The following FAF1 variants were observed in gnomAD, a reference collection of about 807,000 sequenced individuals.
FAF1 encodes FAS-associated factor 1.
In FAF1, 25 loss-of-function variants were observed where a neutral mutation model predicts 92.5. The observed-to-expected ratio is 0.27, with a 90% CI of 0.20 to 0.38. The LOEUF (loss-of-function observed/expected upper bound fraction) is 0.38. Among genes scored for constraint, FAF1 ranks in the 10% least tolerant of loss-of-function variants. The pLI is 1.00. For missense variants in FAF1, 636 were observed against 793.3 expected (o/e 0.80, Z 2.38); for synonymous variants, 234 against 273.2 (o/e 0.86, Z 1.42).
intron 7 of FAF1, among the ~76,000 whole-genome samples, chr1:50,661,653 A>T (rs1655380186): frequency 6.6e-6 from 1 of 152,156 alleles, no homozygotes; most frequent in Admixed American, 6.5e-5. Flanking sequence ...TCTGGTTAAG[A>T]GTTTGTTAAA....
intron 2 of FAF1, among the ~76,000 whole-genome samples, chr1:50,842,137 T>C (rs1358403653): frequency 3.3e-5 from 5 of 152,142 alleles, no homozygotes; most frequent in Middle Eastern, 3.2e-3. Flanking sequence ...TTAAGAGTCA[T>C]TACCCTAAGC....
chr1:50,590,905 C>T (rs1323153086), intron 9 of FAF1, among the ~76,000 whole-genome samples: 2 of 151,790 alleles, frequency 1.3e-5, no homozygotes, highest in African/African-American at 2.4e-5. Context: ...TCACTTGAAC[C>T]CAGGAGGCGG....
Position 50,959,997 on chromosome 1 carries a change from C to CT in FAF1, c.-187dup, listed in dbSNP as rs1282403044. On this transcript the variant is annotated 5_prime_UTR_variant, in exon 1 of 19. Coordinates refer to ENST00000396153, the MANE Select transcript of FAF1 (RefSeq NM_007051.3). ...GCGGGAAGCGCTAGGCGCTCATGCACTCGGTAACCTTCAGGCGCCCCGGCC... is the reference window on the plus strand; with the variant it reads ...GCGGGAAGCGCTAGGCGCTCATGCACTTCGGTAACCTTCAGGCGCCCCGGCC... 1 of 394,556 alleles carries CT rather than the reference C, an allele frequency of 2.5e-6. No individual in the cohort carries two copies. The allele number at this position is 394,556 out of a possible 1,614,324, so 24.4% of individuals were successfully genotyped here.
At chr1:50,884,665 A>G (rs897789226) in intron 1 of FAF1, among the ~76,000 whole-genome samples, 2 of 151,826 alleles carry the variant, frequency 1.3e-5, no homozygotes, top group African/African-American at 4.8e-5. Flanking sequence ...GTTTGCTAGT[A>G]TTTTGTTGAG....
At chr1:50,510,922 T>C (rs930177814) in intron 15 of FAF1, among the ~76,000 whole-genome samples, 31 of 152,300 alleles carry the variant, frequency 2.0e-4, no homozygotes, top group African/African-American at 7.0e-4. Context: ...TACATAGGTG[T>C]TTACTTTATT....
chr1:50,468,342 G>C (rs1023307324), intron 18 of FAF1, among the ~76,000 whole-genome samples: 1 of 151,940 alleles, frequency 6.6e-6, no homozygotes, highest in Non-Finnish European at 1.5e-5. Flanking sequence ...TCCCAGGCTA[G>C]AGTCCAGTGG....
intron 8 of FAF1, among the ~76,000 whole-genome samples, chr1:50,608,923 G>C (rs999689038): frequency 6.6e-6 from 1 of 152,120 alleles, no homozygotes; most frequent in African/African-American, 2.4e-5. Flanking sequence ...TTACAAGATT[G>C]TTGTGAAGAT....
At chr1:50,606,690 G>A (rs531695058) in intron 8 of FAF1, among the ~76,000 whole-genome samples, 60 of 151,798 alleles carry the variant, frequency 4.0e-4, no homozygotes, top group Non-Finnish European at 7.2e-4. Flanking sequence ...TAGTAGAGAC[G>A]GAGTTTCTCC....
intron 7 of FAF1, among the ~76,000 whole-genome samples, chr1:50,684,632 A>G (rs538000363): frequency 6.6e-6 from 1 of 152,262 alleles, no homozygotes; most frequent in East Asian, 1.9e-4. Context: ...ACTGAAGCCA[A>G]TTTCAAGGTA....
chr1:50,698,602 T>G (rs1402618302), intron 7 of FAF1, among the ~76,000 whole-genome samples: 1 of 152,156 alleles, frequency 6.6e-6, no homozygotes, highest in Non-Finnish European at 1.5e-5. Flanking sequence ...GAGTTTTTCT[T>G]AATCTTTCAT....
At chr1:50,446,990 C>CTTTTTTTTTTTTTTTTTTTG in intron 18 of FAF1, among the ~76,000 whole-genome samples, 1 of 151,338 alleles carries the variant, frequency 6.6e-6, no homozygotes, top group South Asian at 2.1e-4. Flanking sequence ...TAATAATTTT[C>CTTTTTTTTTTTTTTTTTTTG]ATAGTAACTC....
intron 18 of FAF1, among the ~76,000 whole-genome samples, chr1:50,461,073 C>G (rs997534948): frequency 6.6e-6 from 1 of 152,178 alleles, no homozygotes; most frequent in Non-Finnish European, 1.5e-5. Context: ...CCCCTAGGAA[C>G]AGTGGTTGAG....
At chr1:50,632,322 A>T (rs1653826802) in intron 8 of FAF1, among the ~76,000 whole-genome samples, 1 of 152,226 alleles carries the variant, frequency 6.6e-6, no homozygotes, top group African/African-American at 2.4e-5. Flanking sequence ...AAAGGTTAGA[A>T]ACGAGTAACA....
chr1:50,845,529 G>T (rs1644291188), intron 2 of FAF1, among the ~76,000 whole-genome samples: 2 of 151,924 alleles, frequency 1.3e-5, no homozygotes, highest in Admixed American at 1.3e-4. Flanking sequence ...ATGCACAGAG[G>T]GACCCCACAC....
At chr1:50,441,848 T>A (rs922803477) in intron 18 of FAF1, among the ~76,000 whole-genome samples, 1 of 151,872 alleles carries the variant, frequency 6.6e-6, no homozygotes, top group Admixed American at 6.6e-5. Context: ...CCTAGAGACC[T>A]CTGCTTGGTT....
chr1:50,488,648 T>G (rs573538003), intron 17 of FAF1, among the ~76,000 whole-genome samples: 1 of 152,296 alleles, frequency 6.6e-6, no homozygotes, highest in South Asian at 2.1e-4. Flanking sequence ...GATATAGGGT[T>G]TTGTACTGGA....
chr1:50,665,343 A>C (rs1308144385), intron 7 of FAF1, among the ~76,000 whole-genome samples: 1 of 152,226 alleles, frequency 6.6e-6, no homozygotes. Context: ...TATACTAGTT[A>C]ATCTTAAAGA....
At chr1:50,744,589 T>A (rs1659514099) in intron 5 of FAF1, 95 bp downstream of exon 5, 3 of 780,692 alleles carry the variant, frequency 3.8e-6, no homozygotes, top group African/African-American at 1.7e-5. Context: ...ACTACTGCCA[T>A]ATGTAACAAC....
chr1:50,714,532 C>A (rs753036357), intron 6 of FAF1, among the ~76,000 whole-genome samples: 1 of 151,794 alleles, frequency 6.6e-6, no homozygotes, highest in African/African-American at 2.4e-5. Context: ...AACAAAAAAC[C>A]AAAACAAACA....
Sources: allele counts gnomAD v4.1 joint callset (sites outside exome capture counted in the v4.1 genomes callset), GRCh38; gene constraint gnomAD v4.1.1; transcripts MANE v1.5; gene names NCBI Gene and HGNC (gene_info 2026-07-23, HGNC 2026-07-21).